The following NRG3 variants were observed in gnomAD, a reference collection of about 807,000 sequenced individuals.
The protein encoded by NRG3 is neuregulin 3.
Under a neutral mutation model 66.9 loss-of-function variants are expected in NRG3, and 31 were observed. The ratio of observed to expected loss-of-function variants is 0.46; its 90% confidence interval spans 0.35 to 0.63. The LOEUF is 0.63. Among genes scored for constraint, NRG3 ranks in the 20% least tolerant of loss-of-function variants. NRG3 has a pLI of 0.00. For synonymous variants in NRG3, 393 were observed against 359.4 expected, an observed-to-expected ratio of 1.09 and a Z score of -1.06; for missense variants, 910 against 878.9, an observed-to-expected ratio of 1.04 and a Z score of -0.45.
Position 82,354,743 on chromosome 10 carries a change from C to G in NRG3, c.824-3996C>G, listed in dbSNP as rs553127107. On this transcript the variant is annotated intron_variant, in intron 1 of 8. Coordinates refer to ENST00000372141, the MANE Select transcript of NRG3 (RefSeq NM_001010848.4). ...ATTCCGTGCCTCTGTGTCATGCCAT[C>G]CATAAGCCCAAGGATTAAAGATGTG... Among the ~76,000 whole-genome samples, 10 of 152,236 alleles carry G rather than the reference C, an allele frequency of 6.6e-5. No individual in the cohort carries two copies. The South Asian group carries it at 8.3e-4, about 13-fold the overall frequency.
At chr10:82,196,828 A>G (rs1168123667) in intron 1 of NRG3, among the ~76,000 whole-genome samples, 15 of 152,212 alleles carry the variant, frequency 9.9e-5, no homozygotes, top group South Asian at 2.1e-4. Flanking sequence ...CACTGTGTCC[A>G]GGATCTATGC....
intron 1 of NRG3, among the ~76,000 whole-genome samples, chr10:82,064,916 C>A (rs1003675187): frequency 1.3e-5 from 2 of 152,182 alleles, no homozygotes; most frequent in Non-Finnish European, 2.9e-5. Flanking sequence ...CTCTTAAATA[C>A]CCATATAACA....
chr10:82,508,037 G>A (rs1844839438), intron 2 of NRG3, among the ~76,000 whole-genome samples: 1 of 152,140 alleles, frequency 6.6e-6, no homozygotes, highest in South Asian at 2.1e-4. Flanking sequence ...TAAACATAAG[G>A]CTTTGTCATT....
At chr10:82,434,465 G>A (rs2090009094) in intron 2 of NRG3, among the ~76,000 whole-genome samples, 1 of 152,120 alleles carries the variant, frequency 6.6e-6, no homozygotes, top group Non-Finnish European at 1.5e-5. Context: ...GATTTCCCTG[G>A]CCAGAACTTC....
intron 2 of NRG3, among the ~76,000 whole-genome samples, chr10:82,618,791 G>A (rs1208203328): frequency 6.6e-6 from 1 of 151,950 alleles, no homozygotes; most frequent in African/African-American, 2.4e-5. Flanking sequence ...ATTATATAAT[G>A]ATAGTATGAT....
At chr10:82,848,208 C>T (rs181855622) in intron 3 of NRG3, among the ~76,000 whole-genome samples, 5 of 152,312 alleles carry the variant, frequency 3.3e-5, no homozygotes, top group African/African-American at 7.2e-5. Context: ...AACACAAACA[C>T]GTCCTTGTGG....
intron 1 of NRG3, among the ~76,000 whole-genome samples, chr10:82,001,530 G>T (rs1298969662): frequency 6.6e-6 from 1 of 151,736 alleles, no homozygotes; most frequent in Non-Finnish European, 1.5e-5. Flanking sequence ...GAAAAAAGGG[G>T]AAACGAGGAA....
At chr10:82,491,293 A>AATATATATATATATATATATACATATAT (rs1554942719) in intron 2 of NRG3, among the ~76,000 whole-genome samples, 2 of 82,196 alleles carry the variant, frequency 2.4e-5, no homozygotes. Flanking sequence ...GTTCCCATAA[A>AATATATATATATATATATATACATATAT]ATATATATAT....
chr10:82,442,604 G>A (rs2090487453), intron 2 of NRG3, among the ~76,000 whole-genome samples: 1 of 152,038 alleles, frequency 6.6e-6, no homozygotes, highest in Admixed American at 6.5e-5. Flanking sequence ...AGATGGTGCA[G>A]CACAGTCTCC....
At chr10:82,578,603 C>T (rs1170707355) in intron 2 of NRG3, among the ~76,000 whole-genome samples, 4 of 151,538 alleles carry the variant, frequency 2.6e-5, no homozygotes, top group Non-Finnish European at 5.9e-5. Context: ...ATTTAAACAG[C>T]TCAAGGTGAG....
chr10:82,508,988 T>C (rs577923563), intron 2 of NRG3, among the ~76,000 whole-genome samples: 34 of 152,330 alleles, frequency 2.2e-4, no homozygotes, highest in African/African-American at 7.0e-4. Context: ...CCTACCTTGT[T>C]TCTCATGACA....
intron 1 of NRG3, among the ~76,000 whole-genome samples, chr10:82,091,292 A>G (rs905368429): frequency 9.9e-5 from 15 of 152,172 alleles, no homozygotes; most frequent in African/African-American, 3.6e-4. Context: ...ACAACTTTGT[A>G]ACCATGAAAG....
intron 3 of NRG3, among the ~76,000 whole-genome samples, chr10:82,822,185 C>T (rs544711273): frequency 6.6e-6 from 1 of 152,174 alleles, no homozygotes; most frequent in South Asian, 2.1e-4. Context: ...AGGATGTGCC[C>T]AGAGAAGTTT....
intron 2 of NRG3, among the ~76,000 whole-genome samples, chr10:82,604,095 TG>T (rs2047808121): frequency 6.6e-6 from 1 of 152,172 alleles, no homozygotes; most frequent in Non-Finnish European, 1.5e-5. Context: ...TAATTATTTG[TG>T]GCATACATTC....
At chr10:82,322,242 T>A (rs770962479) in intron 1 of NRG3, among the ~76,000 whole-genome samples, 43 of 152,168 alleles carry the variant, frequency 2.8e-4, no homozygotes, top group Non-Finnish European at 5.4e-4. Context: ...TCAGGCATTG[T>A]AATAATTTAT....
intron 4 of NRG3, among the ~76,000 whole-genome samples, chr10:82,920,274 T>G (rs1287604878): frequency 1.3e-5 from 2 of 152,132 alleles, no homozygotes; most frequent in Admixed American, 1.3e-4. Flanking sequence ...ATATCATATA[T>G]AGTATAATTG....
intron 1 of NRG3, among the ~76,000 whole-genome samples, chr10:82,035,310 C>T (rs997154402): frequency 6.6e-6 from 1 of 152,088 alleles, no homozygotes. Flanking sequence ...TTTTAACTCC[C>T]TGTGGTCTGA....
intron 1 of NRG3, among the ~76,000 whole-genome samples, chr10:81,890,928 C>T (rs1231559606): frequency 2.0e-5 from 3 of 152,190 alleles, no homozygotes; most frequent in African/African-American, 2.4e-5. Context: ...GATGTTATTA[C>T]ATTGCCAAAT....
chr10:81,912,730 G>A (rs780007600), intron 1 of NRG3, among the ~76,000 whole-genome samples: 83 of 152,290 alleles, frequency 5.5e-4, no homozygotes, highest in African/African-American at 1.9e-3. Flanking sequence ...TTTGTAGGTA[G>A]CAGGGATCCC....
Sources: allele counts gnomAD v4.1 joint callset (sites outside exome capture counted in the v4.1 genomes callset), GRCh38; gene constraint gnomAD v4.1.1; transcripts MANE v1.5; gene names NCBI Gene and HGNC (gene_info 2026-07-23, HGNC 2026-07-21).